IGFN1: variants seen among roughly 807,000 people sequenced by gnomAD.
IGFN1 encodes immunoglobulin like and fibronectin type III domain containing 1.
Under a neutral mutation model 289.5 loss-of-function variants are expected in IGFN1, and 253 were observed. The ratio of observed to expected loss-of-function variants is 0.87; its 90% CI spans 0.79 to 0.97. IGFN1 has a LOEUF of 0.97. Ranked by LOEUF, IGFN1 falls within the 50% of genes least tolerant of loss-of-function variation. IGFN1 has a pLI of 0.00. For synonymous variants in IGFN1, 1,706 were observed against 1,788.5 expected, an observed-to-expected ratio of 0.95 and a Z score of 1.16; for missense variants, 4,470 against 4,686.1, an observed-to-expected ratio of 0.95 and a Z score of 1.35.
Position 201,206,407 on chromosome 1 carries a change from A to G in IGFN1, c.1514A>G (p.Glu505Gly), listed in dbSNP as rs1394993647. 5 of 1,550,936 alleles carry G rather than the reference A, an allele frequency of 3.2e-6. No individual in the cohort carries two copies. The highest frequency in any genetic ancestry group is 2.4e-5 in the East Asian group (1 of 40,924). The change falls in exon 12 of 24, where the codon GAA (glutamate) becomes GGA (glycine). Residue 505 changes from glutamate to glycine, a missense_variant. Transcript: ENST00000335211. The part of the protein sequence containing the change: ...AEGSRATLPR[E>G]NQSHREGGWA... Reference sequence around the variant, plus strand: ...GGAAGCAGAGCCACTCTTCCCAGGGAAAATCAATCCCACAGAGAGGGAGGC... The same window carrying G: ...GGAAGCAGAGCCACTCTTCCCAGGGGAAATCAATCCCACAGAGAGGGAGGC...
At chr1:201,223,998 G>A (rs1164892921) in intron 20 of IGFN1, among the ~76,000 whole-genome samples, 6 of 152,140 alleles carry the variant, frequency 3.9e-5, no homozygotes, top group African/African-American at 9.7e-5. Context: ...TCTGCTTTCC[G>A]TGTATTTATT....
intron 19 of IGFN1, chr1:201,222,020 G>A (rs1307461096): frequency 2.0e-5 from 6 of 306,108 alleles, no homozygotes; most frequent in African/African-American, 1.3e-4. Flanking sequence ...CTTTGCCCTA[G>A]TTGTCACTAA....
Position 201,208,434 on chromosome 1 carries a change from G to T in IGFN1, c.3541G>T (p.Gly1181Cys). The T allele has an allele frequency of 6.9e-7, 1 of 1,447,156 alleles. No individual in the cohort carries two copies. Among genetic ancestry groups the T allele is most frequent in the Non-Finnish European group, 9.0e-7 (1 of 1,107,380 alleles). The allele number at this position is 1,447,156 out of a possible 1,614,324, so 89.6% of individuals were successfully genotyped here. A position where few individuals can be genotyped will look rare whatever the true frequency, so the allele number is the denominator to read the frequency against. ...TGCTAAGGCCTCTGGAGCTGGAGCT[G>T]GTTATAGGGATGATACCAGGCACCC... Reference protein sequence around the residue: ...PGAKASGAGAGYRDDTRHPES... With the variant: ...PGAKASGAGACYRDDTRHPES... The change falls in exon 12 of 24, where the codon GGT (glycine) becomes TGT (cysteine). Residue 1181 changes from glycine (G) to cysteine (C), a missense_variant. Transcript: ENST00000335211.
In IGFN1 at chr1:201,221,720, C is replaced by T. The variant is rs755790233; in HGVS notation, c.10175C>T (p.Thr3392Ile). 6.2e-7 allele frequency: 1 copy of T among 1,602,518 alleles called. No individual in the cohort carries two copies. Among genetic ancestry groups the T allele is most frequent in the East Asian group, 2.2e-5 (1 of 44,732 alleles). ...GGQSQPSALD[T>I]LVQAMPVTVC... ...CAGAGCCAGCCCAGTGCCCTGGACA[C>T]ATTAGTGCAAGCCATGCCTGTTACT... is the stretch of plus-strand genomic sequence containing the variant. The change falls in exon 19 of 24, where the codon ACA becomes ATA. Residue 3392 changes from threonine (T) to isoleucine (I), a missense_variant. By Grantham distance (89) the Thr-to-Ile change is moderately conservative (BLOSUM62 -1). Around this residue, in one of 8 missense-constraint regions of IGFN1, gnomAD observed 2,218 missense variants for 2,114.1 expected, o/e 1.05. Transcript: ENST00000335211.
intron 17 of IGFN1, among the ~76,000 whole-genome samples, chr1:201,217,953 A>G (rs1653439688): frequency 6.6e-6 from 1 of 152,226 alleles, no homozygotes; most frequent in Non-Finnish European, 1.5e-5. Context: ...TTCCAAAGAA[A>G]CAAACTGCAT....
rs1409706708 is a variant in IGFN1, at chr1:201,206,406, G to GA, written c.1517dup (p.Asn506LysfsTer45). 3 of 1,550,824 alleles carry GA rather than the reference G, an allele frequency of 1.9e-6. No homozygotes were observed. The highest frequency in any genetic ancestry group is 1.4e-5 in the African/African-American group (1 of 73,046). Reference sequence around the variant, plus strand: ...GGGAAGCAGAGCCACTCTTCCCAGGGAAAATCAATCCCACAGAGAGGGAGG... The same window carrying GA: ...GGGAAGCAGAGCCACTCTTCCCAGGGAAAAATCAATCCCACAGAGAGGGAGG... On this transcript the variant is annotated frameshift_variant, in exon 12 of 24. Transcript: ENST00000335211. LOFTEE classifies it high-confidence loss of function.
rs1203745051 is a variant in IGFN1, at chr1:201,211,905, G to A, written c.7012G>A (p.Val2338Ile). The A allele has an allele frequency of 3.9e-6, 6 of 1,528,330 alleles. No individual in the cohort carries two copies. Among genetic ancestry groups the A allele is most frequent in the Non-Finnish European group, 5.3e-6 (6 of 1,142,498 alleles). The allele number at this position is 1,528,330 out of a possible 1,614,324, so 94.7% of individuals were successfully genotyped here. A position where few individuals can be genotyped will look rare whatever the true frequency, so the allele number is the denominator to read the frequency against. ...TAGTGGCATGGGGTCAGGGAGTGAG[G>A]TCAGTTATAGAGGAGGCTCAGGAGG... ...GTSGMGSGSE[V>I]SYRGGSGGSG... Residue 2338 changes from valine (V) to isoleucine (I), a missense_variant, in exon 12 of 24, where the codon GTC (valine) becomes ATC (isoleucine). Around this residue, in one of 8 missense-constraint regions of IGFN1, gnomAD observed 2,218 missense variants for 2,114.1 expected, o/e 1.05. Coordinates refer to ENST00000335211, the MANE Select transcript of IGFN1 (RefSeq NM_001164586.2).
chr1:201,222,946 A>AC, intron 20 of IGFN1, 119 bp downstream of exon 20: 1 of 584,584 alleles, frequency 1.7e-6, no homozygotes, highest in Non-Finnish European at 3.0e-6. Context: ...GTGCTTGTGG[A>AC]AATCACTGAC....
chr1:201,221,721 A>T lies in IGFN1; in HGVS notation c.10176A>T (p.Thr3392=). ...AGAGCCAGCCCAGTGCCCTGGACAC[A>T]TTAGTGCAAGCCATGCCTGTTACTG... The part of the protein sequence containing the change: ...GGQSQPSALD[T]LVQAMPVTVC... Residue 3392 remains threonine (T), a synonymous_variant, in exon 19 of 24, where the codon ACA becomes ACT. Transcript: ENST00000335211. 1.2e-6 allele frequency: 2 copies of T among 1,602,322 alleles called. No individual in the cohort carries two copies. Among genetic ancestry groups the T allele is most frequent in the Non-Finnish European group, 1.7e-6 (2 of 1,173,102 alleles).
Position 201,205,339 on chromosome 1 carries a change from T to G in IGFN1, c.1174T>G (p.Trp392Gly). The change falls in exon 11 of 24, where the codon TGG becomes GGG. Residue 392 changes from tryptophan to glycine, a missense_variant. Around this residue, in one of 8 missense-constraint regions of IGFN1, gnomAD observed 2,011 missense variants for 1,953.4 expected, o/e 1.03. Transcript: ENST00000335211. The part of the protein sequence containing the change: ...LGTGLYTSSA[W>G]LVVEAGKDKD... Reference sequence around the variant, plus strand: ...CACCGGGCTCTACACTTCCAGCGCCTGGCTGGTGGTTGAAGGTGAGTGCTT... The same window carrying G: ...CACCGGGCTCTACACTTCCAGCGCCGGGCTGGTGGTTGAAGGTGAGTGCTT... 1 of 1,538,240 alleles carries G rather than the reference T, an allele frequency of 6.5e-7. No individual in the cohort carries two copies. The highest frequency in any genetic ancestry group is 1.4e-5 in the African/African-American group (1 of 72,920).
At chr1:201,214,599 C>T (rs1219807234) in intron 13 of IGFN1, among the ~76,000 whole-genome samples, 1 of 152,078 alleles carries the variant, frequency 6.6e-6, no homozygotes, top group Non-Finnish European at 1.5e-5. Context: ...CGTACAAATG[C>T]CATCGTCTCA....
chr1:201,209,732 T>C lies in IGFN1; in HGVS notation c.4839T>C (p.Gly1613=). 1 of 1,518,356 alleles carries C rather than the reference T, an allele frequency of 6.6e-7. No homozygotes were observed. 94.1% of individuals were successfully genotyped at this position (1,518,356 alleles called of 1,614,324 possible). A position where few individuals can be genotyped will look rare whatever the true frequency, so the allele number is the denominator to read the frequency against. ...ACTTGGGGGTTCCTGAGGGAATAGGTTCAGGAAGTAAGGCAGGTTTTAGGG... is the reference window on the plus strand; with the variant it reads ...ACTTGGGGGTTCCTGAGGGAATAGGCTCAGGAAGTAAGGCAGGTTTTAGGG... ...RKDLGVPEGI[G]SGSKAGFRDG... is the part of the protein sequence containing the mutation. Residue 1613 remains glycine (G), a synonymous_variant, in exon 12 of 24, where the codon GGT becomes GGC. Coordinates refer to ENST00000335211, the MANE Select transcript of IGFN1 (RefSeq NM_001164586.2).
intron 9 of IGFN1, among the ~76,000 whole-genome samples, chr1:201,203,398 G>A (rs144848824): frequency 1.5e-3 from 223 of 152,280 alleles, no homozygotes; most frequent in African/African-American, 4.9e-3. Flanking sequence ...TGTTGTGTCC[G>A]GCCTCCCCTG....
At chr1:201,214,552 C>T (rs551579866) in intron 13 of IGFN1, among the ~76,000 whole-genome samples, 1 of 152,234 alleles carries the variant, frequency 6.6e-6, no homozygotes, top group East Asian at 1.9e-4. Flanking sequence ...CTCTTCTATA[C>T]CCATACCTGC....
Position 201,203,854 on chromosome 1 carries a change from C to T in IGFN1, c.864C>T (p.Tyr288=), listed in dbSNP as rs142526103. The T allele has an allele frequency of 1.7e-4, 262 of 1,551,730 alleles. No individual in the cohort carries two copies. Among genetic ancestry groups the T allele is most frequent in the Admixed American group, 2.4e-4 (12 of 51,008 alleles). Residue 288 remains tyrosine (Y), a synonymous_variant, in exon 10 of 24, where the codon TAC becomes TAT. Transcript: ENST00000335211. The part of the protein sequence containing the change: ...QDLRPEDSGI[Y]QVKVEDAVVF... The stretch of plus-strand genomic sequence containing the variant: ...TGAGGCCTGAGGACTCTGGCATTTA[C>T]CAGGTCAAGGTGGAGGATGCTGTGG...
At position 201,209,227 on chromosome 1, in the gene IGFN1, G is replaced by A. The variant is rs1667586937; in HGVS notation, c.4334G>A (p.Gly1445Asp). ...GTGSKAGYRD[G>D]LRGSGEMRSM... is the part of the protein sequence containing the mutation. ...GGGAGCAAGGCAGGTTATAGGGATG[G>A]CTTAAGGGGTTCTGGAGAAATGAGG... is the stretch of plus-strand genomic sequence containing the variant. Residue 1445 changes from glycine to aspartate, a missense_variant, in exon 12 of 24, where the codon GGC becomes GAC. This residue lies in a region of IGFN1 where 2,011 missense variants were observed against 1,953.4 expected (regional missense o/e 1.03). Coordinates refer to ENST00000335211, the MANE Select transcript of IGFN1 (RefSeq NM_001164586.2). 2 of 1,487,076 alleles carry A rather than the reference G, an allele frequency of 1.3e-6. No individual in the cohort carries two copies. Among genetic ancestry groups the A allele is most frequent in the African/African-American group, 1.4e-5 (1 of 70,852 alleles). The allele number at this position is 1,487,076 out of a possible 1,614,324, so 92.1% of individuals were successfully genotyped here. A position where few individuals can be genotyped will look rare whatever the true frequency, so the allele number is the denominator to read the frequency against.
Position 201,213,090 on chromosome 1 carries a change from G to A in IGFN1, c.8197G>A (p.Gly2733Arg), listed in dbSNP as rs372643975. Reference protein sequence around the residue: ...NALTPKPGESGPQGAWNGLDG... With the variant: ...NALTPKPGESRPQGAWNGLDG... ...CCTCACCCCAAAACCTGGGGAGTCC[G>A]GACCTCAGGGAGCCTGGAATGGCTT... Residue 2733 changes from glycine (G) to arginine (R), a missense_variant, in exon 12 of 24, where the codon GGA (glycine) becomes AGA (arginine). By Grantham distance (125) the Gly-to-Arg change is moderately radical (BLOSUM62 -2). Around this residue, in one of 8 missense-constraint regions of IGFN1, gnomAD observed 2,218 missense variants for 2,114.1 expected, o/e 1.05. Transcript: ENST00000335211. The A allele has an allele frequency of 7.9e-5, 123 of 1,551,604 alleles. No homozygotes were observed. The African/African-American group carries it at 1.2e-3, about 15-fold the overall frequency.
chr1:201,203,715 T>C (rs1667264116), intron 9 of IGFN1, 23 bp from the exon 10 acceptor site: 2 of 1,550,120 alleles, frequency 1.3e-6, no homozygotes, highest in Non-Finnish European at 1.7e-6. Context: ...GAGGCCCGCC[T>C]CCTCTTCCTT....
chr1:201,213,397 C>A lies in IGFN1; in HGVS notation c.8504C>A (p.Ala2835Glu), dbSNP rs576518814. ...GTTGGAGGAGGAAAGAGAAGGGGAG[C>A]AGACGAGGCTGGAAGCATGGGGTGG... The part of the protein sequence containing the change: ...AEVGGGKRRG[A>E]DEAGSMGWQP... The change falls in exon 12 of 24, where the codon GCA becomes GAA. Residue 2835 changes from alanine (A) to glutamate (E), a missense_variant. By Grantham distance (107) the Ala-to-Glu change is moderately radical. This residue lies in a region of IGFN1 where 2,218 missense variants were observed against 2,114.1 expected (regional missense o/e 1.05). Transcript: ENST00000335211. 1.9e-6 allele frequency: 3 copies of A among 1,613,784 alleles called. No homozygotes were observed. The East Asian group carries it at 6.7e-5, about 36-fold the overall frequency.
Sources: allele counts gnomAD v4.1 joint callset (sites outside exome capture counted in the v4.1 genomes callset), GRCh38; gene constraint gnomAD v4.1.1; regional missense constraint gnomAD v4.1.1; transcripts MANE v1.5; gene names NCBI Gene and HGNC (gene_info 2026-07-23, HGNC 2026-07-21).